Variants in FBP2 observed in about 807,000 individuals in gnomAD.
The protein encoded by FBP2 is fructose-1,6-bisphosphatase isozyme 2.
FBP2 carries 27 observed loss-of-function variants against 31.6 expected under a neutral mutation model. The observed-to-expected ratio is 0.85, with a 90% confidence interval of 0.63 to 1.18. The LOEUF (loss-of-function observed/expected upper bound fraction) is 1.18, where lower values mean the gene tolerates loss of function less well. Ranked by LOEUF, FBP2 falls within the 50% of genes most tolerant of loss-of-function variation. The pLI, the probability that FBP2 is intolerant of heterozygous loss-of-function variation, is 0.00. For missense variants in FBP2, 421 were observed against 436.1 expected (o/e 0.97, Z 0.31); for synonymous variants, 168 against 179.8 (o/e 0.93, Z 0.53).
chr9:94,581,415 T>C (rs1198371610), intron 3 of FBP2, among the ~76,000 whole-genome samples: 2 of 152,228 alleles, frequency 1.3e-5, no homozygotes, highest in Non-Finnish European at 2.9e-5. Context: ...TTTTGGAAGC[T>C]TGCCTTTTGG....
At chr9:94,579,385 G>GA (rs1449520581) in intron 3 of FBP2, among the ~76,000 whole-genome samples, 2 of 116,712 alleles carry the variant, frequency 1.7e-5, no homozygotes, top group Non-Finnish European at 3.3e-5. Context: ...GCGACAGAGT[G>GA]AGACTCTGTC....
chr9:94,574,688 G>T (rs561747538), intron 3 of FBP2, among the ~76,000 whole-genome samples: 1 of 152,176 alleles, frequency 6.6e-6, no homozygotes, highest in South Asian at 2.1e-4. Flanking sequence ...TGTTTAGACT[G>T]AATTTCTCCT....
intron 3 of FBP2, among the ~76,000 whole-genome samples, chr9:94,576,348 T>C (rs192741452): frequency 3.3e-5 from 5 of 152,330 alleles, no homozygotes; most frequent in Admixed American, 3.3e-4. Flanking sequence ...TTGTGGTTAA[T>C]AAAGTCACTT....
rs199525966 is a variant in FBP2 at position 94,571,532 on chromosome 9, G to T, written c.497C>A (p.Ala166Glu). The part of the protein sequence containing the change: ...CGRNIVAAGY[A>E]LYGSATLVAL... ...CACCAGGGTTGCACTACCGTACAGC[G>T]CATAACCTGCGGCCACAATATTGCG... is the stretch of plus-strand genomic sequence containing the variant. The change falls in exon 4 of 7, where the codon GCG becomes GAG. Residue 166 changes from alanine to glutamate, a missense_variant. Ala to Glu is a moderately radical substitution (Grantham distance 107). Coordinates refer to ENST00000375337, the MANE Select transcript of FBP2 (RefSeq NM_003837.4). 89 of 1,613,860 alleles carry T rather than the reference G, an allele frequency of 5.5e-5. No individual in the cohort carries two copies. The Admixed American group carries it at 1.5e-3, about 27-fold the overall frequency.
chr9:94,587,856 C>T (rs1564187418), intron 1 of FBP2, among the ~76,000 whole-genome samples: 1 of 149,076 alleles, frequency 6.7e-6, no homozygotes, highest in Non-Finnish European at 1.5e-5. Flanking sequence ...TTCTTTTTTC[C>T]TTTTTTTTTT....
chr9:94,592,548 GT>G (rs1272640348), intron 1 of FBP2, among the ~76,000 whole-genome samples: 1 of 152,134 alleles, frequency 6.6e-6, no homozygotes, highest in Non-Finnish European at 1.5e-5. Context: ...TTGTTTGTAT[GT>G]TTTGAGATGG....
intron 3 of FBP2, among the ~76,000 whole-genome samples, chr9:94,575,474 T>C (rs760852116): frequency 7.9e-5 from 12 of 152,216 alleles, no homozygotes; most frequent in Non-Finnish European, 1.3e-4. Context: ...TTCTTTTTCA[T>C]TGCTATGTAG....
chr9:94,579,050 C>CAAAAAAAAAAAAAAAAAAAAAAAA (rs55778806), intron 3 of FBP2, among the ~76,000 whole-genome samples: 4 of 30,594 alleles, frequency 1.3e-4, no homozygotes, highest in African/African-American at 2.0e-4. Context: ...GAGACTCTGT[C>CAAAAAAAAAAAAAAAAAAAAAAAA]AAAAAAAAAA....
intron 2 of FBP2, among the ~76,000 whole-genome samples, chr9:94,585,794 TTA>T (rs931084810): frequency 6.6e-6 from 1 of 150,778 alleles, no homozygotes; most frequent in African/African-American, 2.4e-5. Flanking sequence ...AGCTAAATTT[TTA>T]TCTTTTGTAT....
chr9:94,591,421 C>G (rs1356351774), intron 1 of FBP2, among the ~76,000 whole-genome samples: 1 of 152,226 alleles, frequency 6.6e-6, no homozygotes, highest in South Asian at 2.1e-4. Context: ...GCCAGCAGGG[C>G]TGGCTGGCTG....
chr9:94,578,084 T>C (rs1827334403), intron 3 of FBP2, among the ~76,000 whole-genome samples: 1 of 152,236 alleles, frequency 6.6e-6, no homozygotes, highest in Admixed American at 6.5e-5. Flanking sequence ...TCAGCATACA[T>C]TTGTGTCTAA....
chr9:94,590,325 C>T (rs1827479911), intron 1 of FBP2, among the ~76,000 whole-genome samples: 1 of 152,198 alleles, frequency 6.6e-6, no homozygotes, highest in African/African-American at 2.4e-5. Flanking sequence ...ACTCCAGCCT[C>T]TCTTGTTCCC....
chr9:94,580,901 C>G (rs1439958884), intron 3 of FBP2, among the ~76,000 whole-genome samples: 1 of 152,174 alleles, frequency 6.6e-6, no homozygotes, highest in African/African-American at 2.4e-5. Context: ...TGATACCAAA[C>G]TCAAGCTAAC....
intron 1 of FBP2, among the ~76,000 whole-genome samples, chr9:94,589,925 A>C (rs779339958): frequency 6.6e-6 from 1 of 152,168 alleles, no homozygotes; most frequent in Non-Finnish European, 1.5e-5. Flanking sequence ...GGGACCACAA[A>C]CACAGGCCTT....
intron 6 of FBP2, 152 bp downstream of exon 6, chr9:94,563,190 A>C (rs1387732620): frequency 3.7e-6 from 3 of 801,290 alleles, no homozygotes; most frequent in Middle Eastern, 3.8e-4. Context: ...CTGGAGACTC[A>C]CTCAAGGGAA....
At chr9:94,587,603 G>A in intron 1 of FBP2, 134 bp from the exon 2 acceptor site, 6 of 765,822 alleles carry the variant, frequency 7.8e-6, no homozygotes, top group South Asian at 3.1e-5. Context: ...CACACGTGCA[G>A]AAGAAGGCGA....
intron 1 of FBP2, among the ~76,000 whole-genome samples, chr9:94,591,420 G>A (rs950150009): frequency 2.0e-5 from 3 of 152,236 alleles, no homozygotes; most frequent in African/African-American, 4.8e-5. Context: ...GGCCAGCAGG[G>A]CTGGCTGGCT....
chr9:94,562,088 G>A (rs553260273), intron 6 of FBP2, among the ~76,000 whole-genome samples: 39 of 152,078 alleles, frequency 2.6e-4, no homozygotes, highest in Admixed American at 5.9e-4. Flanking sequence ...AAGGCGGGCG[G>A]ATCACGAGGT....
intron 4 of FBP2, among the ~76,000 whole-genome samples, chr9:94,571,083 T>G (rs1564183226): frequency 6.6e-6 from 1 of 152,276 alleles, no homozygotes; most frequent in Non-Finnish European, 1.5e-5. Context: ...GTGAAATTCA[T>G]GGAGCATTCT....
Sources: allele counts gnomAD v4.1 joint callset (sites outside exome capture counted in the v4.1 genomes callset), GRCh38; gene constraint gnomAD v4.1.1; transcripts MANE v1.5; gene names NCBI Gene and HGNC (gene_info 2026-07-23, HGNC 2026-07-21).